SLC13A4: variants seen among roughly 807,000 people sequenced by gnomAD.
SLC13A4 encodes solute carrier family 13 member 4, also known as Na(+)/sulfate cotransporter SUT-1.
A neutral mutation model predicts 72.7 loss-of-function variants in SLC13A4; 28 were observed. The observed-to-expected ratio is 0.39, with a 90% CI of 0.29 to 0.53. SLC13A4 has a LOEUF of 0.53. Ranked by LOEUF, SLC13A4 falls within the 20% of genes least tolerant of loss-of-function variation. The pLI is 0.78. For synonymous variants in SLC13A4, 312 were observed against 325.5 expected, an observed-to-expected ratio of 0.96 and a Z score of 0.45; for missense variants, 653 against 788.0, an observed-to-expected ratio of 0.83 and a Z score of 2.05.
intron 2 of SLC13A4, 143 bp downstream of exon 2, chr7:135,721,252 A>C: frequency 1.1e-6 from 1 of 917,434 alleles, no homozygotes; most frequent in Non-Finnish European, 1.7e-6. Flanking sequence ...TGCAGGTGCC[A>C]AAGCTTAGTG....
At chr7:135,699,130 A>G (rs1193076416) in intron 8 of SLC13A4, among the ~76,000 whole-genome samples, 1 of 151,922 alleles carries the variant, frequency 6.6e-6, no homozygotes, top group Admixed American at 6.6e-5. Flanking sequence ...TTCTAGAGAC[A>G]GGGTCTCACT....
rs551283215 is a variant in SLC13A4 at position 135,701,864 on chromosome 7, C to T, written c.634-104G>A. On this transcript the variant is annotated intron_variant, in intron 6 of 15. Transcript: ENST00000682651. ...CCCAGGGCCACCCCATGCCTCAGCA[C>T]TGTGGGAACCAGAGGCCAGAAGCCA... The T allele has an allele frequency of 1.4e-5, 15 of 1,108,692 alleles. No homozygotes were observed. In the East Asian group the frequency reaches 3.0e-4, roughly 22 times the overall value. The allele number at this position is 1,108,692 out of a possible 1,614,324, so 68.7% of individuals were successfully genotyped here.
intron 8 of SLC13A4, among the ~76,000 whole-genome samples, chr7:135,695,871 G>A (rs1795892745): frequency 6.6e-6 from 1 of 152,204 alleles, no homozygotes; most frequent in South Asian, 2.1e-4. Flanking sequence ...CCAAAGGAAT[G>A]TAAGTTTTGA....
intron 15 of SLC13A4, 147 bp downstream of exon 15, chr7:135,683,977 A>G (rs944442657): frequency 1.9e-5 from 18 of 962,598 alleles, no homozygotes; most frequent in Non-Finnish European, 2.5e-5. Context: ...AAACCTTTTT[A>G]TAGGTGCTAT....
chr7:135,681,772 G>C (rs1228956564), intron 15 of SLC13A4, 72 bp from the exon 16 acceptor site: 1 of 1,564,002 alleles, frequency 6.4e-7, no homozygotes, highest in African/African-American at 1.3e-5. Context: ...TCCCCCTTCT[G>C]TTCCTGCAGC....
Position 135,694,230 on chromosome 7 carries a change from T to A in SLC13A4, c.1028A>T (p.Glu343Val), listed in dbSNP as rs759467988. Reference protein sequence around the residue: ...HWLFLGCNFKETCSLSKKKKT... With the variant: ...HWLFLGCNFKVTCSLSKKKKT... ...CTTCTTCTTGCTCAGAGAGCAGGTC[T>A]CTTTAAAACTGAGAAGGGAGAATGA... The change falls in exon 10 of 16, where the codon GAG (glutamate) becomes GTG (valine). Residue 343 changes from glutamate (E) to valine (V), a missense_variant. Physicochemically the swap from Glu to Val is moderately radical, Grantham distance 121. Transcript: ENST00000682651. The A allele has an allele frequency of 3.1e-6, 5 of 1,598,046 alleles. No individual in the cohort carries two copies. The highest frequency in any genetic ancestry group is 3.4e-6 in the Non-Finnish European group (4 of 1,165,962).
At chr7:135,712,986 C>T (rs1352754333) in intron 2 of SLC13A4, among the ~76,000 whole-genome samples, 1 of 152,150 alleles carries the variant, frequency 6.6e-6, no homozygotes. Context: ...GGCTAGCTGT[C>T]CAGGCTGCTG....
At chr7:135,693,574 T>C (rs1020480248) in intron 10 of SLC13A4, among the ~76,000 whole-genome samples, 1 of 152,248 alleles carries the variant, frequency 6.6e-6, no homozygotes, top group Non-Finnish European at 1.5e-5. Context: ...TGGATTGTTT[T>C]ATGCAAAGTT....
At chr7:135,703,129 C>G (rs372635144) in intron 5 of SLC13A4, 1 of 543,228 alleles carries the variant, frequency 1.8e-6, no homozygotes, top group Non-Finnish European at 3.3e-6. Flanking sequence ...TATTAACAAT[C>G]GTCCTAACAG....
At chr7:135,685,772 A>T in intron 13 of SLC13A4, 89 bp from the exon 14 acceptor site, 1 of 1,208,128 alleles carries the variant, frequency 8.3e-7, no homozygotes, top group Non-Finnish European at 1.2e-6. Flanking sequence ...GGGATGTTGG[A>T]AGGCTGGACG....
chr7:135,713,894 GTGAAATTCTC>G (rs1796359529), intron 2 of SLC13A4, among the ~76,000 whole-genome samples: 1 of 152,200 alleles, frequency 6.6e-6, no homozygotes, highest in South Asian at 2.1e-4. Flanking sequence ...CAATTTTGCA[GTGAAATTCTC>G]TGAACCCTGG....
rs1295447609 is a variant in SLC13A4, at chr7:135,699,522, GCTGGGGGT to G, written c.733_740del (p.Thr245ProfsTer15). 1 of 1,609,360 alleles carries G rather than the reference GCTGGGGGT, an allele frequency of 6.2e-7. No homozygotes were observed. Among genetic ancestry groups the G allele is most frequent in the South Asian group, 1.1e-5 (1 of 89,688 alleles). ...TTCTGTTCAGCTTCTGCTTCCTGGG[GCTGGGGGT>G]CAGGACTTGTGGCTTTTCCTAACGA... On this transcript the variant is annotated frameshift_variant, in exon 8 of 16. Coordinates refer to ENST00000682651, the MANE Select transcript of SLC13A4 (RefSeq NM_001318192.2). LOFTEE classifies it high-confidence loss of function.
chr7:135,721,332 G>A lies in SLC13A4; in HGVS notation c.228+63C>T, dbSNP rs538937714. On this transcript the variant is annotated intron_variant, in intron 2 of 15. Coordinates refer to ENST00000682651, the MANE Select transcript of SLC13A4 (RefSeq NM_001318192.2). ...GTGCTGGGTGAATCTCCCTTCATTG[G>A]AGGCTCTCTTTCAGGGGCCCTGCAG... is the stretch of plus-strand genomic sequence containing the variant. 2.5e-6 allele frequency: 4 copies of A among 1,588,066 alleles called. No individual in the cohort carries two copies. In the African/African-American group the frequency reaches 5.4e-5, roughly 21 times the overall value.
At position 135,695,093 on chromosome 7, in the gene SLC13A4, C is replaced by G. The variant is rs75180540; in HGVS notation, c.1019+275G>C. On this transcript the variant is annotated intron_variant, in intron 9 of 15. Coordinates refer to ENST00000682651, the MANE Select transcript of SLC13A4 (RefSeq NM_001318192.2). ...AAACGACATTAAATACTCTTCACCT[C>G]AGACTTTGTATAAACTGGACAGGCT... 1.0e-3 allele frequency among the ~76,000 whole-genome samples: 157 copies of G among 152,344 alleles called. 4 individuals carry two copies. The East Asian group carries it at 0.025, about 24-fold the overall frequency.
intron 2 of SLC13A4, among the ~76,000 whole-genome samples, chr7:135,710,243 A>C (rs888310851): frequency 6.6e-6 from 1 of 152,236 alleles, no homozygotes; most frequent in African/African-American, 2.4e-5. Flanking sequence ...TGATTATTGA[A>C]TTAACAAAAA....
chr7:135,692,233 GCTTCATATC>G, intron 11 of SLC13A4, 81 bp downstream of exon 11: 1 of 900,726 alleles, frequency 1.1e-6, no homozygotes, highest in Non-Finnish European at 1.8e-6. Context: ...AATCTTCCTG[GCTTCATATC>G]TGCCCCTGAG....
intron 2 of SLC13A4, among the ~76,000 whole-genome samples, chr7:135,719,455 T>G (rs1368790383): frequency 2.0e-5 from 3 of 152,200 alleles, no homozygotes; most frequent in Non-Finnish European, 4.4e-5. Flanking sequence ...TACCCTCCAC[T>G]TTCAAGCCCT....
intron 15 of SLC13A4, chr7:135,683,763 G>A (rs995146423): frequency 1.1e-4 from 112 of 985,254 alleles, no homozygotes; most frequent in Non-Finnish European, 1.3e-4. Flanking sequence ...CATCTTCTGT[G>A]AATAAACCAG....
At chr7:135,716,673 G>A (rs1055332361) in intron 2 of SLC13A4, among the ~76,000 whole-genome samples, 1 of 152,190 alleles carries the variant, frequency 6.6e-6, no homozygotes, top group African/African-American at 2.4e-5. Context: ...AAGAGCTCAA[G>A]TTCTGGAATC....
Sources: allele counts gnomAD v4.1 joint callset (sites outside exome capture counted in the v4.1 genomes callset), GRCh38; gene constraint gnomAD v4.1.1; transcripts MANE v1.5; gene names NCBI Gene and HGNC (gene_info 2026-07-23, HGNC 2026-07-21).